Variants in RSU1 observed in about 807,000 individuals in gnomAD.
RSU1 encodes rsu-1.
Under a neutral mutation model 31.1 loss-of-function variants are expected in RSU1, and 26 were observed. That is an observed-to-expected ratio of 0.84 (90% confidence interval 0.61 to 1.16). The LOEUF (loss-of-function observed/expected upper bound fraction) is 1.16, where lower values mean the gene tolerates loss of function less well. Ranked by LOEUF, RSU1 falls within the 50% of genes most tolerant of loss-of-function variation. RSU1 has a pLI of 0.00. For synonymous variants in RSU1, 164 were observed against 136.3 expected (o/e 1.20, Z -1.41); for missense variants, 320 against 339.1 (o/e 0.94, Z 0.44).
At chr10:16,742,148 G>A (rs1836767938) in intron 7 of RSU1, among the ~76,000 whole-genome samples, 1 of 152,146 alleles carries the variant, frequency 6.6e-6, no homozygotes, top group South Asian at 2.1e-4. Context: ...TTGAAAAAAT[G>A]AGCATAAGCT....
At chr10:16,630,569 G>A (rs972637854) in intron 8 of RSU1, among the ~76,000 whole-genome samples, 2 of 152,206 alleles carry the variant, frequency 1.3e-5, no homozygotes, top group Non-Finnish European at 2.9e-5. Context: ...GGGAAGGAGT[G>A]AAATGATGCT....
intron 7 of RSU1, among the ~76,000 whole-genome samples, chr10:16,745,901 A>G (rs569664731): frequency 6.6e-6 from 1 of 152,350 alleles, no homozygotes; most frequent in Non-Finnish European, 1.5e-5. Context: ...ACAGAATGAC[A>G]GTAACAGAAG....
chr10:16,741,102 TA>T (rs1836741588), intron 7 of RSU1, among the ~76,000 whole-genome samples: 1 of 152,208 alleles, frequency 6.6e-6, no homozygotes, highest in African/African-American at 2.4e-5. Context: ...GGTACTCGCA[TA>T]AGGATAGACA....
At chr10:16,793,425 C>T (rs369149588) in intron 2 of RSU1, among the ~76,000 whole-genome samples, 5 of 152,160 alleles carry the variant, frequency 3.3e-5, no homozygotes, top group African/African-American at 1.2e-4. Context: ...ATCTTGAGAA[C>T]CCCCCATGAG....
chr10:16,763,344 A>G (rs544364929), intron 4 of RSU1, among the ~76,000 whole-genome samples: 4 of 152,270 alleles, frequency 2.6e-5, no homozygotes, highest in South Asian at 4.1e-4. Flanking sequence ...CTTGTGGGGA[A>G]GTCTCAGGGA....
intron 4 of RSU1, among the ~76,000 whole-genome samples, chr10:16,759,751 G>A (rs191255836): frequency 7.4e-4 from 113 of 152,214 alleles, no homozygotes; most frequent in African/African-American, 2.4e-3. Context: ...GAAATAAACC[G>A]CATTTAAGGA....
intron 8 of RSU1, among the ~76,000 whole-genome samples, chr10:16,641,297 C>A (rs1196392465): frequency 6.6e-6 from 1 of 152,038 alleles, no homozygotes; most frequent in Non-Finnish European, 1.5e-5. Flanking sequence ...AAAGTTTCAG[C>A]CTGGCCAACA....
At chr10:16,672,356 C>T (rs80329455) in intron 8 of RSU1, among the ~76,000 whole-genome samples, 7,207 of 152,182 alleles carry the variant, frequency 0.047, 211 homozygotes, top group Non-Finnish European at 0.061. Context: ...ACGCATTCCA[C>T]TCCTAGGTGT....
At chr10:16,634,381 C>T (rs572359385) in intron 8 of RSU1, among the ~76,000 whole-genome samples, 3 of 152,312 alleles carry the variant, frequency 2.0e-5, no homozygotes, top group African/African-American at 7.2e-5. Flanking sequence ...AGTGGATGCG[C>T]AACCTTTTTT....
intron 2 of RSU1, among the ~76,000 whole-genome samples, chr10:16,813,188 G>A (rs572255341): frequency 6.6e-6 from 1 of 152,004 alleles, no homozygotes; most frequent in Non-Finnish European, 1.5e-5. Context: ...GGTGTTCTTG[G>A]AAGCTTTAAC....
intron 2 of RSU1, among the ~76,000 whole-genome samples, chr10:16,807,339 G>T (rs1245888161): frequency 6.6e-6 from 1 of 152,208 alleles, no homozygotes; most frequent in Admixed American, 6.5e-5. Flanking sequence ...GGATCTTTAT[G>T]AGGTATGGAT....
At chr10:16,619,670 A>C (rs961334965) in intron 8 of RSU1, among the ~76,000 whole-genome samples, 1 of 152,238 alleles carries the variant, frequency 6.6e-6, no homozygotes, top group Non-Finnish European at 1.5e-5. Flanking sequence ...GCCTAGACTT[A>C]TGGACACATG....
chr10:16,815,284 T>A (rs1231834137), intron 2 of RSU1, among the ~76,000 whole-genome samples: 1 of 152,250 alleles, frequency 6.6e-6, no homozygotes, highest in African/African-American at 2.4e-5. Context: ...CGTATTTTCA[T>A]AAAGCCTACG....
intron 8 of RSU1, among the ~76,000 whole-genome samples, chr10:16,631,032 T>A (rs1386841930): frequency 1.3e-5 from 2 of 152,172 alleles, no homozygotes; most frequent in Non-Finnish European, 2.9e-5. Flanking sequence ...TTTAAAAACA[T>A]TTCTTTCTTA....
intron 7 of RSU1, among the ~76,000 whole-genome samples, chr10:16,733,149 C>T (rs763721622): frequency 1.3e-4 from 20 of 151,886 alleles, no homozygotes; most frequent in Non-Finnish European, 2.1e-4. Flanking sequence ...TTTCTAAAAA[C>T]TGGTCAATTT....
intron 8 of RSU1, among the ~76,000 whole-genome samples, chr10:16,648,140 T>TTATTTTTTATTTTA (rs1834608565): frequency 6.6e-6 from 1 of 151,704 alleles, no homozygotes; most frequent in African/African-American, 2.4e-5. Flanking sequence ...AAATTTTTTT[T>TTATTTTTTATTTTA]TTTTTTTAAG....
At chr10:16,727,786 G>C (rs1836427989) in intron 7 of RSU1, among the ~76,000 whole-genome samples, 1 of 152,164 alleles carries the variant, frequency 6.6e-6, no homozygotes, top group Non-Finnish European at 1.5e-5. Context: ...TAGATGACAA[G>C]TCGTGCTATT....
In RSU1 at chr10:16,591,690, G is replaced by C. The variant is rs1833506713; in HGVS notation, c.*1704C>G. ...TATTTCGTTCCTGTGCGTTTCTGGA[G>C]TTTTCATCTTTTGAAAAAAATGACT... On this transcript the variant is annotated 3_prime_UTR_variant, in exon 9 of 9. Coordinates refer to ENST00000345264, the MANE Select transcript of RSU1 (RefSeq NM_012425.4). 1 of 152,026 alleles carries C rather than the reference G, an allele frequency of 6.6e-6. No individual in the cohort carries two copies. The highest frequency in any genetic ancestry group is 1.5e-5 in the Non-Finnish European group (1 of 67,988). 9.4% of individuals were successfully genotyped at this position (152,026 alleles called of 1,614,324 possible). A position where few individuals can be genotyped will look rare whatever the true frequency, so the allele number is the denominator to read the frequency against.
At chr10:16,751,920 A>C (rs1238678261) in intron 7 of RSU1, among the ~76,000 whole-genome samples, 1 of 152,174 alleles carries the variant, frequency 6.6e-6, no homozygotes, top group East Asian at 1.9e-4. Flanking sequence ...GGCGGGGGAC[A>C]TAAACCCACC....
Sources: allele counts gnomAD v4.1 joint callset (sites outside exome capture counted in the v4.1 genomes callset), GRCh38; gene constraint gnomAD v4.1.1; transcripts MANE v1.5; gene names NCBI Gene and HGNC (gene_info 2026-07-23, HGNC 2026-07-21).